ZC3H7A: variants seen among roughly 807,000 people sequenced by gnomAD.
The protein encoded by ZC3H7A is zinc finger CCCH domain-containing protein 7A.
ZC3H7A carries 44 observed loss-of-function variants against 125.5 expected under a neutral mutation model. That is an observed-to-expected ratio of 0.35 (90% CI 0.28 to 0.45). The LOEUF is 0.45. Among genes scored for constraint, ZC3H7A ranks in the 20% least tolerant of loss-of-function variants. The pLI is 1.00. For synonymous variants in ZC3H7A, 399 were observed against 391.2 expected (o/e 1.02, Z -0.23); for missense variants, 977 against 1,170.7 (o/e 0.83, Z 2.41).
intron 1 of ZC3H7A, among the ~76,000 whole-genome samples, chr16:11,794,998 T>TC (rs1396298246): frequency 6.6e-6 from 1 of 152,098 alleles, no homozygotes; most frequent in Non-Finnish European, 1.5e-5. Flanking sequence ...ATCAACGGGC[T>TC]CTTTGTAGAA....
chr16:11,792,946 C>T (rs1266908948), intron 1 of ZC3H7A, among the ~76,000 whole-genome samples: 2 of 152,166 alleles, frequency 1.3e-5, no homozygotes, highest in African/African-American at 2.4e-5. Context: ...TGCGTGTGCA[C>T]TTGTGTACAC....
intron 20 of ZC3H7A, among the ~76,000 whole-genome samples, 177 bp downstream of exon 20, chr16:11,758,254 C>T (rs1446343066): frequency 6.6e-6 from 1 of 152,210 alleles, no homozygotes; most frequent in Non-Finnish European, 1.5e-5. Flanking sequence ...CATTCTACCC[C>T]ACTGAGGCTG....
rs542317728 is a variant in ZC3H7A, at chr16:11,761,940, C to T, written c.2183G>A (p.Arg728Lys). The change falls in exon 18 of 23, where the codon AGA (arginine) becomes AAA (lysine). Residue 728 changes from arginine (R) to lysine (K), a missense_variant. Arg to Lys is a conservative substitution (Grantham distance 26). This residue lies in a region of ZC3H7A where 436 missense variants were observed against 603.2 expected (regional missense o/e 0.72). Coordinates refer to ENST00000355758, the MANE Select transcript of ZC3H7A (RefSeq NM_014153.4). ...CCTTGCTTTTGCACTACAATATTTT[C>T]TGTTTTTGTCTGGTTCAATGACTTG... ...NGQVIEPDKN[R>K]KYCSAKARHS... is the part of the protein sequence containing the mutation. 3 of 1,613,102 alleles carry T rather than the reference C, an allele frequency of 1.9e-6. No individual in the cohort carries two copies. The highest frequency in any genetic ancestry group is 2.7e-5 in the African/African-American group (2 of 75,020).
intron 19 of ZC3H7A, among the ~76,000 whole-genome samples, chr16:11,760,143 A>AAAAAAAAAAAAC (rs2052727774): frequency 6.6e-6 from 1 of 150,960 alleles, no homozygotes; most frequent in Non-Finnish European, 1.5e-5. Flanking sequence ...AAAAAAAAAA[A>AAAAAAAAAAAAC]AAGAAAAAAA....
At chr16:11,790,079 C>CAAAAAAAAAAAAAAAAAAAA (rs150579733) in intron 1 of ZC3H7A, among the ~76,000 whole-genome samples, 1 of 73,552 alleles carries the variant, frequency 1.4e-5, no homozygotes, top group Non-Finnish European at 2.7e-5. Context: ...GACTCCATCT[C>CAAAAAAAAAAAAAAAAAAAA]AAAAAAAAAA....
At chr16:11,752,938 C>CA (rs1221269606) in intron 21 of ZC3H7A, 106 bp from the exon 22 acceptor site, 1 of 1,436,418 alleles carries the variant, frequency 7.0e-7, no homozygotes, top group Admixed American at 2.1e-5. Context: ...ACATAAAACT[C>CA]AGGTTAGAAA....
intron 19 of ZC3H7A, 72 bp downstream of exon 19, chr16:11,761,334 T>C: frequency 7.3e-7 from 1 of 1,377,162 alleles, no homozygotes; most frequent in South Asian, 1.2e-5. Context: ...AGTTTCAATC[T>C]GAATTACTAC....
At chr16:11,793,551 G>A (rs1442048315) in intron 1 of ZC3H7A, among the ~76,000 whole-genome samples, 1 of 151,402 alleles carries the variant, frequency 6.6e-6, no homozygotes, top group Non-Finnish European at 1.5e-5. Flanking sequence ...GGGGGTGGGG[G>A]GGAGGAAAAA....
chr16:11,753,381 T>C (rs1472565545), intron 21 of ZC3H7A, among the ~76,000 whole-genome samples: 1 of 152,248 alleles, frequency 6.6e-6, no homozygotes, highest in Admixed American at 6.5e-5. Flanking sequence ...GCAATAATTA[T>C]CTGCAACACT....
intron 1 of ZC3H7A, among the ~76,000 whole-genome samples, chr16:11,793,456 C>T (rs1358741877): frequency 6.6e-6 from 1 of 151,774 alleles, no homozygotes; most frequent in African/African-American, 2.4e-5. Context: ...TTGCTTGAGG[C>T]CAGGAGTTTG....
At chr16:11,775,454 G>A (rs748279000) in intron 7 of ZC3H7A, 1 of 156,310 alleles carries the variant, frequency 6.4e-6, no homozygotes, top group Non-Finnish European at 1.4e-5. Context: ...TCCCAATTAA[G>A]ATCCAAGAAA....
At chr16:11,763,959 A>G (rs2052806737) in intron 15 of ZC3H7A, among the ~76,000 whole-genome samples, 1 of 151,098 alleles carries the variant, frequency 6.6e-6, no homozygotes, top group African/African-American at 2.4e-5. Context: ...GCCCACCACC[A>G]CGCCCAGCTA....
At chr16:11,759,299 C>T (rs2052702814) in intron 19 of ZC3H7A, 1 of 152,180 alleles carries the variant, frequency 6.6e-6, no homozygotes, top group Non-Finnish European at 1.5e-5. Flanking sequence ...CCTAGTACAA[C>T]TAATTATTAG....
rs945253842 is a variant in ZC3H7A at position 11,756,283 on chromosome 16, T to C, written c.2516A>G (p.Glu839Gly). 1.2e-6 allele frequency: 2 copies of C among 1,614,180 alleles called. No individual in the cohort carries two copies. The highest frequency in any genetic ancestry group is 3.3e-5 in the Admixed American group (2 of 60,008). The part of the protein sequence containing the change: ...SEDIASQSNK[E>G]NGKQIHMPTD... ...TGGCATGTGAATTTGTTTTCCATTT[T>C]CCTTGTTTGACTGACTGGCTATGTC... Residue 839 changes from glutamate (E) to glycine (G), a missense_variant, in exon 21 of 23, where the codon GAA (glutamate) becomes GGA (glycine). Glu to Gly is a moderately conservative substitution (Grantham distance 98). Coordinates refer to ENST00000355758, the MANE Select transcript of ZC3H7A (RefSeq NM_014153.4).
At chr16:11,766,733 A>C (rs2052865178) in intron 13 of ZC3H7A, among the ~76,000 whole-genome samples, 1 of 151,948 alleles carries the variant, frequency 6.6e-6, no homozygotes, top group Non-Finnish European at 1.5e-5. Context: ...AAATACAAAA[A>C]TTAGCCAGGT....
Position 11,756,311 on chromosome 16 carries a change from C to A in ZC3H7A, c.2488G>T (p.Glu830Ter). The A allele has an allele frequency of 6.2e-7, 1 of 1,614,064 alleles. No individual in the cohort carries two copies. The highest frequency in any genetic ancestry group is 8.5e-7 in the Non-Finnish European group (1 of 1,180,004). Residue 830 changes from glutamate (E) to a stop codon, truncating the protein, a stop_gained, in exon 21 of 23, where the codon GAA becomes TAA. Coordinates refer to ENST00000355758, the MANE Select transcript of ZC3H7A (RefSeq NM_014153.4). LOFTEE classifies it high-confidence loss of function. ...WLKSQKNEKS[E>*]DIASQSNKEN... Reference sequence around the variant, plus strand: ...TTGTTTGACTGACTGGCTATGTCTTCACTTTTTTCATTTTTTTGACTCTTG... The same window carrying A: ...TTGTTTGACTGACTGGCTATGTCTTAACTTTTTTCATTTTTTTGACTCTTG...
intron 15 of ZC3H7A, among the ~76,000 whole-genome samples, chr16:11,764,355 C>G (rs1282890552): frequency 6.6e-6 from 1 of 152,104 alleles, no homozygotes; most frequent in African/African-American, 2.4e-5. Context: ...TCAAGACCAG[C>G]CCAGCCAACA....
intron 1 of ZC3H7A, among the ~76,000 whole-genome samples, chr16:11,792,570 G>A (rs894672887): frequency 1.3e-5 from 2 of 152,228 alleles, no homozygotes; most frequent in East Asian, 1.9e-4. Flanking sequence ...TACTGAGACA[G>A]AAATAGTAGC....
At chr16:11,772,061 T>C (rs1215475554) in intron 9 of ZC3H7A, among the ~76,000 whole-genome samples, 4 of 151,810 alleles carry the variant, frequency 2.6e-5, no homozygotes, top group Non-Finnish European at 4.4e-5. Flanking sequence ...CCGGGCGTGG[T>C]AGCGGGCACC....
Sources: gnomAD v4.1 joint callset for allele counts (sites outside exome capture counted in the v4.1 genomes callset) on GRCh38, gnomAD v4.1.1 for gene constraint, gnomAD v4.1.1 regional missense constraint, MANE v1.5 for transcripts, NCBI Gene and HGNC (gene_info 2026-07-23, HGNC 2026-07-21) for gene names.